Variants in MARCHF1 observed in about 807,000 individuals in gnomAD.
MARCHF1 encodes membrane associated ring-CH-type finger 1, also known as E3 ubiquitin-protein ligase MARCHF1.
MARCHF1 carries 40 observed loss-of-function variants against 54.2 expected under a neutral mutation model. The ratio of observed to expected loss-of-function variants is 0.74; its 90% confidence interval spans 0.57 to 0.96. The LOEUF is 0.96. Among genes scored for constraint, MARCHF1 ranks in the 40% least tolerant of loss-of-function variants. MARCHF1 has a pLI of 0.00. For synonymous variants in MARCHF1, 236 were observed against 236.3 expected, an observed-to-expected ratio of 1.00 and a Z score of 0.01; for missense variants, 586 against 656.5, an observed-to-expected ratio of 0.89 and a Z score of 1.17.
intron 1 of MARCHF1, among the ~76,000 whole-genome samples, chr4:164,201,937 A>G (rs753130281): frequency 2.0e-5 from 3 of 152,230 alleles, no homozygotes; most frequent in Non-Finnish European, 4.4e-5. Flanking sequence ...CTTTCCTTCA[A>G]TGAAATAGAT....
chr4:164,308,489 G>C (rs938407301), intron 1 of MARCHF1, among the ~76,000 whole-genome samples: 5 of 151,858 alleles, frequency 3.3e-5, no homozygotes, highest in Non-Finnish European at 7.4e-5. Flanking sequence ...CCATCAGTAA[G>C]ATAATTTTCT....
chr4:163,608,899 A>G (rs994068735), intron 7 of MARCHF1, among the ~76,000 whole-genome samples: 5 of 152,054 alleles, frequency 3.3e-5, no homozygotes, highest in African/African-American at 1.2e-4. Context: ...CCTGGTTCTC[A>G]GGCTGTATCC....
intron 8 of MARCHF1, among the ~76,000 whole-genome samples, chr4:163,567,756 A>G (rs1739694872): frequency 6.6e-6 from 1 of 152,078 alleles, no homozygotes; most frequent in South Asian, 2.1e-4. Flanking sequence ...TTCTTTTGTA[A>G]ATTGCTCAGT....
intron 1 of MARCHF1, among the ~76,000 whole-genome samples, chr4:164,215,829 A>G (rs1731916255): frequency 1.3e-5 from 2 of 152,310 alleles, no homozygotes; most frequent in South Asian, 4.1e-4. Flanking sequence ...TGAAGGTGAA[A>G]TACACTTTTC....
At chr4:164,260,189 G>A (rs1408979123) in intron 1 of MARCHF1, among the ~76,000 whole-genome samples, 2 of 152,068 alleles carry the variant, frequency 1.3e-5, no homozygotes, top group African/African-American at 4.8e-5. Flanking sequence ...GTCTGTGTGT[G>A]TTCATAGGTG....
At chr4:164,117,065 C>A (rs1755953341) in intron 1 of MARCHF1, among the ~76,000 whole-genome samples, 1 of 151,982 alleles carries the variant, frequency 6.6e-6, no homozygotes, top group South Asian at 2.1e-4. Context: ...TGAAACCAGC[C>A]TGGCCAACAT....
At chr4:164,068,302 AG>A (rs1268461165) in intron 2 of MARCHF1, among the ~76,000 whole-genome samples, 1 of 152,050 alleles carries the variant, frequency 6.6e-6, no homozygotes, top group Non-Finnish European at 1.5e-5. Context: ...GCCACACTTG[AG>A]GAGCCCTTCA....
intron 1 of MARCHF1, among the ~76,000 whole-genome samples, chr4:164,310,944 T>C (rs1423285250): frequency 6.6e-6 from 1 of 152,174 alleles, no homozygotes; most frequent in African/African-American, 2.4e-5. Flanking sequence ...TTAGAGAACC[T>C]ACTTCTAAGA....
intron 1 of MARCHF1, among the ~76,000 whole-genome samples, chr4:164,282,973 T>C (rs1483267279): frequency 6.6e-6 from 1 of 151,222 alleles, no homozygotes; most frequent in African/African-American, 2.4e-5. Flanking sequence ...TCCATCACTG[T>C]GGACATAGAA....
intron 7 of MARCHF1, among the ~76,000 whole-genome samples, chr4:163,588,053 T>G (rs1299817665): frequency 6.6e-6 from 1 of 152,138 alleles, no homozygotes; most frequent in Non-Finnish European, 1.5e-5. Context: ...TATGGCAGAC[T>G]ACACCAGGAT....
At chr4:163,586,761 G>A (rs940795547) in intron 7 of MARCHF1, among the ~76,000 whole-genome samples, 2 of 152,050 alleles carry the variant, frequency 1.3e-5, no homozygotes, top group African/African-American at 2.4e-5. Flanking sequence ...AAACTTTATT[G>A]TGTTACTTTG....
chr4:164,348,819 G>GC (rs1730194038), intron 1 of MARCHF1, among the ~76,000 whole-genome samples: 1 of 152,120 alleles, frequency 6.6e-6, no homozygotes, highest in African/African-American at 2.4e-5. Flanking sequence ...ACACACTCAA[G>GC]ATTATTTATT....
intron 1 of MARCHF1, among the ~76,000 whole-genome samples, chr4:164,217,703 A>G (rs530320676): frequency 6.6e-5 from 10 of 152,278 alleles, no homozygotes; most frequent in South Asian, 4.1e-4. Flanking sequence ...TTAAAATAGA[A>G]CTCAAGAGGG....
At chr4:164,224,692 T>C (rs1181480165) in intron 1 of MARCHF1, among the ~76,000 whole-genome samples, 1 of 152,062 alleles carries the variant, frequency 6.6e-6, no homozygotes, top group East Asian at 1.9e-4. Context: ...GCATTGACAG[T>C]ATGTAGAATG....
intron 1 of MARCHF1, among the ~76,000 whole-genome samples, chr4:164,282,675 C>T (rs1431673492): frequency 6.6e-6 from 1 of 151,162 alleles, no homozygotes; most frequent in East Asian, 2.0e-4. Context: ...CACAATTTTA[C>T]CCACTTGAAC....
intron 1 of MARCHF1, among the ~76,000 whole-genome samples, chr4:164,288,793 GA>G (rs1560988822): frequency 1.3e-5 from 2 of 151,928 alleles, no homozygotes; most frequent in Admixed American, 6.6e-5. Flanking sequence ...GAAACACGGG[GA>G]AAAAAATTCC....
At chr4:163,683,231 C>T (rs918341933) in intron 5 of MARCHF1, among the ~76,000 whole-genome samples, 2 of 152,132 alleles carry the variant, frequency 1.3e-5, no homozygotes, top group African/African-American at 4.8e-5. Context: ...GCTGGGGAGG[C>T]CTCACAATCA....
chr4:163,651,774 T>C (rs572462183), intron 5 of MARCHF1, among the ~76,000 whole-genome samples: 1 of 151,272 alleles, frequency 6.6e-6, no homozygotes, highest in Non-Finnish European at 1.5e-5. Flanking sequence ...AGTCTCAAAG[T>C]CTATTCACAT....
At chr4:163,742,471 T>G (rs1746234357) in intron 4 of MARCHF1, among the ~76,000 whole-genome samples, 1 of 150,516 alleles carries the variant, frequency 6.6e-6, no homozygotes, top group Non-Finnish European at 1.5e-5. Context: ...TCTTTTCTCC[T>G]TTCCTTTCCT....
Sources: gnomAD v4.1 joint callset for allele counts (sites outside exome capture counted in the v4.1 genomes callset) on GRCh38, gnomAD v4.1.1 for gene constraint, MANE v1.5 for transcripts, NCBI Gene and HGNC (gene_info 2026-07-23, HGNC 2026-07-21) for gene names.